KIAA0586: variants seen among roughly 807,000 people sequenced by gnomAD.
KIAA0586 encodes the protein protein TALPID3.
KIAA0586 carries 144 observed loss-of-function variants against 169.8 expected under a neutral mutation model. The observed-to-expected ratio is 0.85, with a 90% CI of 0.74 to 0.97. The LOEUF is 0.97. Among genes scored for constraint, KIAA0586 ranks in the 50% least tolerant of loss-of-function variants. The pLI, the probability that KIAA0586 is intolerant of heterozygous loss-of-function variation, is 0.00. For missense variants in KIAA0586, 1,854 were observed against 1,823.0 expected (o/e 1.02, Z -0.31); for synonymous variants, 625 against 612.4 (o/e 1.02, Z -0.30).
At chr14:58,507,329 G>T (rs925562812) in intron 27 of KIAA0586, among the ~76,000 whole-genome samples, 3 of 141,464 alleles carry the variant, frequency 2.1e-5, no homozygotes, top group Non-Finnish European at 3.0e-5. Flanking sequence ...ATTTATATAT[G>T]ATATATAAAT....
At chr14:58,474,946 G>A (rs2041493624) in intron 19 of KIAA0586, 149 bp downstream of exon 19, 1 of 628,386 alleles carries the variant, frequency 1.6e-6, no homozygotes, top group East Asian at 3.0e-5. Flanking sequence ...ATATAATGCT[G>A]AGGGCTTAAC....
At chr14:58,438,797 G>T (rs1202541962) in intron 4 of KIAA0586, among the ~76,000 whole-genome samples, 1 of 152,176 alleles carries the variant, frequency 6.6e-6, no homozygotes, top group Admixed American at 6.5e-5. Flanking sequence ...TGGAAGAAGG[G>T]TGAGAGAGCA....
At chr14:58,503,132 A>T (rs1361796089) in intron 27 of KIAA0586, among the ~76,000 whole-genome samples, 1 of 152,172 alleles carries the variant, frequency 6.6e-6, no homozygotes, top group Non-Finnish European at 1.5e-5. Context: ...GGACCCTGGG[A>T]TATACTACCA....
At chr14:58,492,041 A>G in intron 25 of KIAA0586, 103 bp from the exon 26 acceptor site, 2 of 881,188 alleles carry the variant, frequency 2.3e-6, no homozygotes, top group Non-Finnish European at 3.3e-6. Flanking sequence ...AAATGCTAAT[A>G]TCATCATCTC....
At chr14:58,439,795 T>G (rs889434964) in intron 4 of KIAA0586, 1 of 976,068 alleles carries the variant, frequency 1.0e-6, no homozygotes, top group African/African-American at 1.8e-5. Flanking sequence ...GTTTAAGAGT[T>G]CTGTGATGCC....
chr14:58,482,145 C>T (rs2042072455), intron 20 of KIAA0586, among the ~76,000 whole-genome samples: 1 of 151,718 alleles, frequency 6.6e-6, no homozygotes, highest in Non-Finnish European at 1.5e-5. Context: ...GAAAGTTCGG[C>T]CCAGGCGCAG....
rs374292446 is a variant in KIAA0586, at chr14:58,490,232, G to A, written c.3850G>A (p.Val1284Ile). Residue 1284 changes from valine (V) to isoleucine (I), a missense_variant, in exon 25 of 31, where the codon GTT (valine) becomes ATT (isoleucine). By Grantham distance (29) the Val-to-Ile change is conservative. Transcript: ENST00000652326. ...CTTATCCAGCACTCTGCATGATGCC[G>A]TTGAAATGGTAAGTAACGATTGACT... ...DSLSSTLHDA[V>I]EMEDDPPSEG... 1.1e-4 allele frequency: 173 copies of A among 1,522,308 alleles called. No individual in the cohort carries two copies. Among genetic ancestry groups the A allele is most frequent in the Non-Finnish European group, 7.3e-5 (82 of 1,123,950 alleles). 94.3% of individuals were successfully genotyped at this position (1,522,308 alleles called of 1,614,324 possible). A position where few individuals can be genotyped will look rare whatever the true frequency, so the allele number is the denominator to read the frequency against.
chr14:58,427,956 C>T lies in KIAA0586; in HGVS notation c.-309C>T, dbSNP rs2036975474. 5 of 1,404,738 alleles carry T rather than the reference C, an allele frequency of 3.6e-6. No homozygotes were observed. The highest frequency in any genetic ancestry group is 3.0e-5 in the Admixed American group (1 of 33,878). 87.0% of individuals were successfully genotyped at this position (1,404,738 alleles called of 1,614,324 possible). A position where few individuals can be genotyped will look rare whatever the true frequency, so the allele number is the denominator to read the frequency against. On this transcript the variant is annotated 5_prime_UTR_variant, in exon 1 of 31. Transcript: ENST00000652326. ...GCCACTACATGTGTTTGGTTTTGCC[C>T]TACCAGCTCTGGGGTTGGGGAGTGC...
intron 29 of KIAA0586, chr14:58,536,926 T>C (rs1035843042): frequency 1.5e-6 from 1 of 687,250 alleles, no homozygotes; most frequent in Non-Finnish European, 2.1e-6. Context: ...GAAATGTTAA[T>C]AGAACTTTAT....
chr14:58,432,620 A>G (rs533528014), intron 4 of KIAA0586, among the ~76,000 whole-genome samples, 163 bp downstream of exon 4: 1 of 152,248 alleles, frequency 6.6e-6, no homozygotes, highest in African/African-American at 2.4e-5. Context: ...ACTCAGTAGC[A>G]GTTAGCAGTT....
intron 21 of KIAA0586, 64 bp downstream of exon 21, chr14:58,482,776 C>A: frequency 9.3e-7 from 1 of 1,071,332 alleles, no homozygotes; most frequent in Non-Finnish European, 1.3e-6. Context: ...AAGCTGCATA[C>A]CATAAGATCA....
intron 4 of KIAA0586, among the ~76,000 whole-genome samples, chr14:58,435,224 C>T (rs1168510428): frequency 6.6e-6 from 1 of 152,178 alleles, no homozygotes; most frequent in Non-Finnish European, 1.5e-5. Context: ...TGCGCCACTA[C>T]AATAATTCAT....
In KIAA0586 at chr14:58,549,357, C is replaced by A. The variant is rs1387053039; in HGVS notation, c.*1425C>A. The A allele has an allele frequency of 6.6e-6, 1 of 151,492 alleles. No homozygotes were observed. Among genetic ancestry groups the A allele is most frequent in the Non-Finnish European group, 1.5e-5 (1 of 67,896 alleles). 9.4% of individuals were successfully genotyped at this position (151,492 alleles called of 1,614,324 possible). A position where few individuals can be genotyped will look rare whatever the true frequency, so the allele number is the denominator to read the frequency against. ...CATTGGTATTAAAAAAAAAAAAAGACCTTTTCAGGTAATTTTAATGGGCAC... is the reference window on the plus strand; with the variant it reads ...CATTGGTATTAAAAAAAAAAAAAGAACTTTTCAGGTAATTTTAATGGGCAC... On this transcript the variant is annotated 3_prime_UTR_variant, in exon 31 of 31. Coordinates refer to ENST00000652326, the MANE Select transcript of KIAA0586 (RefSeq NM_001329943.3).
At chr14:58,547,728 C>T (rs1279338373) in intron 30 of KIAA0586, 53 bp from the exon 31 acceptor site, 11 of 1,402,486 alleles carry the variant, frequency 7.8e-6, no homozygotes, top group Middle Eastern at 2.2e-4. Flanking sequence ...GCATAAAGCA[C>T]GTAAATACTC....
At chr14:58,494,592 G>A (rs1306215873) in intron 26 of KIAA0586, among the ~76,000 whole-genome samples, 1 of 152,104 alleles carries the variant, frequency 6.6e-6, no homozygotes, top group African/African-American at 2.4e-5. Context: ...CTAGGGAGGA[G>A]AGCCTTAGGC....
intron 29 of KIAA0586, among the ~76,000 whole-genome samples, chr14:58,513,416 T>C (rs2044532112): frequency 6.6e-6 from 1 of 152,054 alleles, no homozygotes. Flanking sequence ...TGAATGCCGG[T>C]ATAATTGCGA....
the KIAA0586 span, among the ~76,000 whole-genome samples, chr14:58,558,076 A>G: frequency 6.6e-6 from 1 of 151,140 alleles, no homozygotes; most frequent in South Asian, 2.1e-4. Flanking sequence ...TGCCCAGCTA[A>G]TTTTTTGTAT....
At position 58,498,968 on chromosome 14, in the gene KIAA0586, C is replaced by T. The variant is rs1331278032; in HGVS notation, c.4168+8C>T. The T allele has an allele frequency of 1.9e-6, 3 of 1,579,248 alleles. No homozygotes were observed. Among genetic ancestry groups the T allele is most frequent in the South Asian group, 2.4e-5 (2 of 84,650 alleles). On this transcript the variant is annotated splice_region_variant and intron_variant, in intron 27 of 30. Coordinates refer to ENST00000652326, the MANE Select transcript of KIAA0586 (RefSeq NM_001329943.3). ...AATTTGACACAGTTTCAGGTAGACA[C>T]CAAAATATTTTTTCTTGATGTGTCA...
At chr14:58,507,946 C>A (rs891068918) in intron 27 of KIAA0586, among the ~76,000 whole-genome samples, 2 of 152,030 alleles carry the variant, frequency 1.3e-5, no homozygotes, top group Non-Finnish European at 2.9e-5. Context: ...CCACCACACC[C>A]AGCTAATTTT....
Sources: gnomAD v4.1 joint callset for allele counts (sites outside exome capture counted in the v4.1 genomes callset) on GRCh38, gnomAD v4.1.1 for gene constraint, MANE v1.5 for transcripts, NCBI Gene and HGNC (gene_info 2026-07-23, HGNC 2026-07-21) for gene names.